FAT4: variants seen among roughly 807,000 people sequenced by gnomAD.
FAT4 encodes protocadherin Fat 4.
FAT4 carries 84 observed loss-of-function variants against 303.9 expected under a neutral mutation model. That is an observed-to-expected ratio of 0.28 (90% CI 0.23 to 0.33). FAT4 has a LOEUF of 0.33. FAT4 is among the 10% of genes least tolerant of loss of function. The probability of loss-of-function intolerance (pLI) is 1.00; values close to 1 mark genes in which losing one functional copy is unlikely to be tolerated. For synonymous variants in FAT4, 2,307 were observed against 2,298.8 expected (o/e 1.00, Z -0.10); for missense variants, 6,005 against 6,146.8 (o/e 0.98, Z 0.77).
intron 5 of FAT4, among the ~76,000 whole-genome samples, chr4:125,411,565 TG>T (rs1160960544): frequency 9.2e-5 from 14 of 151,780 alleles, no homozygotes; most frequent in Non-Finnish European, 1.9e-4. Context: ...TTTATAAAGA[TG>T]GGTGTTATTC....
chr4:125,448,795 T>C lies in FAT4; in HGVS notation c.7785T>C (p.Ser2595=). ...TTGTCACCACCATCACAGGATCCTC[T>C]TTAAGAGGAGAACCTATGTCATATT... ...SSLVTTITGS[S]LRGEPMSYYI... Residue 2595 remains serine (S), a synonymous_variant, in exon 10 of 18, where the codon TCT becomes TCC. Transcript: ENST00000394329. 1 of 1,610,678 alleles carries C rather than the reference T, an allele frequency of 6.2e-7. No individual in the cohort carries two copies. Among genetic ancestry groups the C allele is most frequent in the Non-Finnish European group, 8.5e-7 (1 of 1,179,884 alleles).
Position 125,415,339 on chromosome 4 carries a change from G to A in FAT4, c.6376G>A (p.Ala2126Thr), listed in dbSNP as rs370538790. ...EVSNYTLTVV[A>T]TDKGQPSLSS... is the part of the protein sequence containing the mutation. ...TTCTAATTATACTCTAACAGTGGTG[G>A]CTACAGACAAAGGTCAACCATCTCT... Residue 2126 changes from alanine (A) to threonine (T), a missense_variant, in exon 6 of 18, where the codon GCT becomes ACT. Ala to Thr is a moderately conservative substitution (Grantham distance 58). Coordinates refer to ENST00000394329, the MANE Select transcript of FAT4 (RefSeq NM_001291303.3). The A allele has an allele frequency of 1.2e-6, 2 of 1,614,012 alleles. No homozygotes were observed. Among genetic ancestry groups the A allele is most frequent in the Non-Finnish European group, 1.7e-6 (2 of 1,179,970 alleles).
chr4:125,406,745 C>G (rs1398701521), intron 3 of FAT4, 135 bp from the exon 4 acceptor site: 2 of 891,278 alleles, frequency 2.2e-6, no homozygotes, highest in Non-Finnish European at 3.4e-6. Flanking sequence ...TCTCTCATTA[C>G]CTGTTTAAGT....
intron 2 of FAT4, among the ~76,000 whole-genome samples, chr4:125,389,791 G>A (rs1016023394): frequency 5.3e-5 from 8 of 152,046 alleles, no homozygotes; most frequent in East Asian, 3.8e-4. Context: ...ATTATACATC[G>A]CAAACAAATA....
rs1441884512 is a variant in FAT4, at chr4:125,315,693, T to A, written c.-297T>A. Among the ~76,000 whole-genome samples the A allele has an allele frequency of 1.3e-5, 2 of 151,878 alleles. No homozygotes were observed. The highest frequency in any genetic ancestry group is 4.8e-5 in the African/African-American group (2 of 41,372). The stretch of plus-strand genomic sequence containing the variant: ...GGCTGCAGGAGGGGAAGGGGCAGAG[T>A]TGAGCGCTCCCGGGTACGGGAGCCA... On this transcript the variant is annotated 5_prime_UTR_variant, in exon 1 of 18. It adds an upstream start codon to the 5' untranslated region. Coordinates refer to ENST00000394329, the MANE Select transcript of FAT4 (RefSeq NM_001291303.3).
intron 2 of FAT4, among the ~76,000 whole-genome samples, chr4:125,354,214 T>G (rs2125980490): frequency 6.6e-6 from 1 of 151,838 alleles, no homozygotes; most frequent in Admixed American, 6.6e-5. Flanking sequence ...GGCAAATAAC[T>G]TATCGTTTTC....
Position 125,408,596 on chromosome 4 carries a change from G to T in FAT4, c.5722G>T (p.Val1908Leu), listed in dbSNP as rs1734716542. The change falls in exon 5 of 18, where the codon GTA becomes TTA. Residue 1908 changes from valine to leucine, a missense_variant. Coordinates refer to ENST00000394329, the MANE Select transcript of FAT4 (RefSeq NM_001291303.3). ...TTTGACTCGATTATTAGATTATGAA[G>T]TACAGCAATATTATATCCTCACTGT... The part of the protein sequence containing the change: ...FNLTRLLDYE[V>L]QQYYILTVRA... 3 of 1,612,764 alleles carry T rather than the reference G, an allele frequency of 1.9e-6. No homozygotes were observed. The highest frequency in any genetic ancestry group is 1.7e-6 in the Non-Finnish European group (2 of 1,179,346).
intron 10 of FAT4, among the ~76,000 whole-genome samples, chr4:125,458,656 A>G (rs1726377498): frequency 6.6e-6 from 1 of 151,972 alleles, no homozygotes; most frequent in Non-Finnish European, 1.5e-5. Context: ...AAGTAGCTTA[A>G]ATGCTTATTT....
intron 2 of FAT4, among the ~76,000 whole-genome samples, chr4:125,374,133 G>T (rs1733228434): frequency 6.6e-6 from 1 of 152,090 alleles, no homozygotes; most frequent in African/African-American, 2.4e-5. Flanking sequence ...CAGTCTGCCG[G>T]TTCTAAAGTT....
rs776935959 is a variant in FAT4, at chr4:125,316,379, C to T, written c.-12-21C>T. ...ATTGCGTTTGCTTCACCCCTTCCTTCTCTTTATCACATCGTTTTAGGGAGC... is the reference window on the plus strand; with the variant it reads ...ATTGCGTTTGCTTCACCCCTTCCTTTTCTTTATCACATCGTTTTAGGGAGC... On this transcript the variant is annotated intron_variant, in intron 1 of 17. Transcript: ENST00000394329. The surrounding 1 kb of genome is among the most constrained non-coding windows in gnomAD (Gnocchi z 5.7). 57 of 1,562,296 alleles carry T rather than the reference C, an allele frequency of 3.6e-5. No individual in the cohort carries two copies. Among genetic ancestry groups the T allele is most frequent in the Non-Finnish European group, 4.9e-5 (56 of 1,153,210 alleles).
chr4:125,466,704 A>G (rs1015242414), intron 11 of FAT4, among the ~76,000 whole-genome samples: 1 of 150,892 alleles, frequency 6.6e-6, no homozygotes, highest in African/African-American at 2.4e-5. Flanking sequence ...ATCAATAAAT[A>G]TCATTTCTAT....
rs576423434 is a variant in FAT4, at chr4:125,491,357, T to C, written c.14541T>C (p.His4847=). 1.2e-6 allele frequency: 2 copies of C among 1,614,206 alleles called. No individual in the cohort carries two copies. The highest frequency in any genetic ancestry group is 4.5e-5 in the East Asian group (2 of 44,882). ...AATCCTCTTCTGATAGTGACTCCCA[T>C]GAATCTTTCACTTGCTCAGAAATGG... ...APESSSDSDS[H]ESFTCSEMEY... is the part of the protein sequence containing the mutation. Residue 4847 remains histidine (H), a synonymous_variant, in exon 18 of 18, where the codon CAT becomes CAC. Transcript: ENST00000394329.
chr4:125,436,126 C>T (rs1304055101), intron 8 of FAT4, among the ~76,000 whole-genome samples: 1 of 151,048 alleles, frequency 6.6e-6, no homozygotes, highest in South Asian at 2.1e-4. Context: ...ACCAACATGG[C>T]ACATGTATAC....
intron 2 of FAT4, among the ~76,000 whole-genome samples, chr4:125,344,185 T>G (rs1376229583): frequency 6.6e-6 from 1 of 152,202 alleles, no homozygotes; most frequent in Non-Finnish European, 1.5e-5. Flanking sequence ...CGAATAAGAT[T>G]ATCTCCTTTA....
At chr4:125,475,147 C>T (rs1726984790) in intron 12 of FAT4, among the ~76,000 whole-genome samples, 1 of 152,074 alleles carries the variant, frequency 6.6e-6, no homozygotes, top group Non-Finnish European at 1.5e-5. Flanking sequence ...CTGTGATATA[C>T]TGGCACTACA....
At chr4:125,351,518 T>C (rs1307378026) in intron 2 of FAT4, among the ~76,000 whole-genome samples, 1 of 151,796 alleles carries the variant, frequency 6.6e-6, no homozygotes, top group African/African-American at 2.4e-5. Flanking sequence ...TGTATCAGCC[T>C]GTCTGCAAAA....
intron 2 of FAT4, among the ~76,000 whole-genome samples, chr4:125,324,676 A>G (rs1199777470): frequency 6.6e-6 from 1 of 152,140 alleles, no homozygotes; most frequent in Non-Finnish European, 1.5e-5. Context: ...AAGCAATCTT[A>G]TACATTCAGG....
chr4:125,395,167 G>A (rs5003963), intron 2 of FAT4, among the ~76,000 whole-genome samples: 1 of 152,062 alleles, frequency 6.6e-6, no homozygotes, highest in Non-Finnish European at 1.5e-5. Context: ...AATTAAAACC[G>A]CAGGCTACTG....
chr4:125,396,120 A>G (rs1734159402), intron 2 of FAT4, among the ~76,000 whole-genome samples: 1 of 152,088 alleles, frequency 6.6e-6, no homozygotes, highest in African/African-American at 2.4e-5. Context: ...ACACACACGC[A>G]TGAGACTGTG....
Sources: gnomAD v4.1 joint callset for allele counts (sites outside exome capture counted in the v4.1 genomes callset) on GRCh38, gnomAD v4.1.1 for gene constraint, Gnocchi (gnomAD v3.1) non-coding constraint, MANE v1.5 for transcripts, NCBI Gene and HGNC (gene_info 2026-07-23, HGNC 2026-07-21) for gene names.